The following PHF20 variants were observed in gnomAD, a reference collection of about 807,000 sequenced individuals.
PHF20 encodes glioma-expressed antigen 2.
A neutral mutation model predicts 113.5 loss-of-function variants in PHF20; 23 were observed. The ratio of observed to expected loss-of-function variants is 0.20; its 90% CI spans 0.15 to 0.29. The LOEUF is 0.29. Among genes scored for constraint, PHF20 ranks in the 10% least tolerant of loss-of-function variants. The pLI is 1.00. For synonymous variants in PHF20, 434 were observed against 457.3 expected (o/e 0.95, Z 0.65); for missense variants, 943 against 1,219.6 (o/e 0.77, Z 3.38).
intron 14 of PHF20, among the ~76,000 whole-genome samples, chr20:35,929,939 T>C (rs149807851): frequency 3.5e-4 from 53 of 152,364 alleles, no homozygotes; most frequent in African/African-American, 1.3e-3. Context: ...TCAAAGACCT[T>C]AATAGGAATC....
chr20:35,888,556 T>C (rs1367634466), intron 9 of PHF20, among the ~76,000 whole-genome samples: 1 of 152,202 alleles, frequency 6.6e-6, no homozygotes, highest in Non-Finnish European at 1.5e-5. Context: ...CTGGTTTCAG[T>C]AGATGACCTT....
At chr20:35,776,217 C>T (rs1357105644) in intron 1 of PHF20, among the ~76,000 whole-genome samples, 3 of 152,208 alleles carry the variant, frequency 2.0e-5, no homozygotes, top group Non-Finnish European at 4.4e-5. Context: ...TCTGGTTCCT[C>T]ATCCTACCAT....
intron 13 of PHF20, among the ~76,000 whole-genome samples, chr20:35,921,423 C>T (rs1049893130): frequency 6.6e-6 from 1 of 151,900 alleles, no homozygotes; most frequent in African/African-American, 2.4e-5. Flanking sequence ...GTTGGGCATG[C>T]TGTAATCCCA....
intron 13 of PHF20, among the ~76,000 whole-genome samples, chr20:35,925,429 A>G (rs2055608969): frequency 6.6e-6 from 1 of 151,398 alleles, no homozygotes; most frequent in Non-Finnish European, 1.5e-5. Flanking sequence ...TGCCTCCCTA[A>G]TTTTTGTATT....
chr20:35,793,057 C>G (rs1156491882), intron 1 of PHF20, among the ~76,000 whole-genome samples: 1 of 152,184 alleles, frequency 6.6e-6, no homozygotes, highest in Admixed American at 6.5e-5. Flanking sequence ...TTGGAGGCTT[C>G]TTCCTGGGAG....
chr20:35,910,273 G>A (rs187168886), intron 10 of PHF20, among the ~76,000 whole-genome samples: 1 of 152,290 alleles, frequency 6.6e-6, no homozygotes, highest in Non-Finnish European at 1.5e-5. Context: ...TAGGGGAGGG[G>A]AAATGCTGCT....
At chr20:35,802,806 G>A (rs1294935274) in intron 2 of PHF20, among the ~76,000 whole-genome samples, 3 of 151,686 alleles carry the variant, frequency 2.0e-5, no homozygotes, top group Non-Finnish European at 4.4e-5. Context: ...GGGCATGGTG[G>A]TGCATGCCTG....
At chr20:35,947,261 G>A (rs1191950354) in intron 17 of PHF20, among the ~76,000 whole-genome samples, 6 of 152,310 alleles carry the variant, frequency 3.9e-5, no homozygotes, top group Middle Eastern at 3.4e-3. Context: ...GGACTGTGCT[G>A]CTCTAAAGCA....
At chr20:35,808,636 C>T (rs1477393787) in intron 2 of PHF20, among the ~76,000 whole-genome samples, 1 of 151,872 alleles carries the variant, frequency 6.6e-6, no homozygotes, top group Admixed American at 6.6e-5. Context: ...TGCAGTGGTG[C>T]ATCTTGGCTC....
chr20:35,796,764 C>T (rs754925359), intron 1 of PHF20, among the ~76,000 whole-genome samples: 1 of 152,080 alleles, frequency 6.6e-6, no homozygotes, highest in African/African-American at 2.4e-5. Context: ...AGAGGAAGGA[C>T]CTTTGAGAAG....
At chr20:35,844,590 C>G (rs1043232148) in intron 3 of PHF20, among the ~76,000 whole-genome samples, 1 of 131,492 alleles carries the variant, frequency 7.6e-6, no homozygotes, top group South Asian at 2.7e-4. Flanking sequence ...CACACACACA[C>G]AGGCTGAAAC....
At chr20:35,857,579 T>G (rs926247860) in intron 4 of PHF20, among the ~76,000 whole-genome samples, 8 of 142,628 alleles carry the variant, frequency 5.6e-5, no homozygotes, top group Non-Finnish European at 1.2e-4. Context: ...TTTTTTTTTT[T>G]TTTTTTTGTT....
intron 2 of PHF20, among the ~76,000 whole-genome samples, chr20:35,834,196 G>A (rs539924212): frequency 6.6e-6 from 1 of 151,048 alleles, no homozygotes; most frequent in South Asian, 2.1e-4. Context: ...CCTCTCTTCT[G>A]TCTAGTCCTG....
At chr20:35,936,071 T>G (rs931984525) in intron 15 of PHF20, among the ~76,000 whole-genome samples, 3 of 152,198 alleles carry the variant, frequency 2.0e-5, no homozygotes, top group Non-Finnish European at 2.9e-5. Context: ...AGTAGCACCT[T>G]CAGATCGCAG....
chr20:35,798,408 C>T (rs1157378732), intron 1 of PHF20, among the ~76,000 whole-genome samples: 1 of 151,942 alleles, frequency 6.6e-6, no homozygotes, highest in Non-Finnish European at 1.5e-5. Flanking sequence ...GTGAGCAAGA[C>T]CTTGTCTCCA....
rs2146937329 is a variant in PHF20, at chr20:35,842,634, C to T, written c.145C>T (p.Arg49Cys). 1.2e-6 allele frequency: 2 copies of T among 1,613,796 alleles called. No homozygotes were observed. Among genetic ancestry groups the T allele is most frequent in the Non-Finnish European group, 1.7e-6 (2 of 1,179,802 alleles). Residue 49 changes from arginine to cysteine, a missense_variant, in exon 3 of 18, where the codon CGT becomes TGT. By Grantham distance (180) the Arg-to-Cys change is radical (BLOSUM62 -3). This residue lies in a region of PHF20 where 592 missense variants were observed against 787.2 expected (regional missense o/e 0.75). Coordinates refer to ENST00000374012, the MANE Select transcript of PHF20 (RefSeq NM_016436.5). ...EEGKVLIHFK[R>C]WNHRYDEWFC... ...AGGAAAAGTACTCATCCATTTCAAG[C>T]GTTGGAACCATCGTTATGATGAGTG...
intron 1 of PHF20, among the ~76,000 whole-genome samples, chr20:35,779,315 G>T (rs1555914205): frequency 6.6e-6 from 1 of 151,972 alleles, no homozygotes; most frequent in Non-Finnish European, 1.5e-5. Context: ...GTTTACAGGT[G>T]TGAGCCACTG....
rs533065541 is a variant in PHF20 at position 35,848,145 on chromosome 20, C to T, written c.340+711C>T. 2.0e-5 allele frequency among the ~76,000 whole-genome samples: 3 copies of T among 152,248 alleles called. No individual in the cohort carries two copies. The East Asian group carries it at 5.8e-4, about 29-fold the overall frequency. On this transcript the variant is annotated intron_variant, in intron 4 of 17. Transcript: ENST00000374012. ...TTAGGGAAGTCAGGCCTCTTGATGC[C>T]ACTGTAGGGTTGACTATTAGGCCAG...
chr20:35,883,188 C>T (rs2054665988), intron 9 of PHF20, among the ~76,000 whole-genome samples: 1 of 152,114 alleles, frequency 6.6e-6, no homozygotes, highest in South Asian at 2.1e-4. Flanking sequence ...GCACTCCAGC[C>T]TTGACAACAG....
Sources: allele counts gnomAD v4.1 joint callset (sites outside exome capture counted in the v4.1 genomes callset), GRCh38; gene constraint gnomAD v4.1.1; regional missense constraint gnomAD v4.1.1; transcripts MANE v1.5; gene names NCBI Gene and HGNC (gene_info 2026-07-23, HGNC 2026-07-21).